Variants in SNCAIP observed in about 807,000 individuals in gnomAD.
The protein encoded by SNCAIP is synphilin-1.
Under a neutral mutation model 86.7 loss-of-function variants are expected in SNCAIP, and 43 were observed. The observed-to-expected ratio is 0.50, with a 90% CI of 0.39 to 0.64. SNCAIP has a LOEUF of 0.64. Ranked by LOEUF, SNCAIP falls within the 30% of genes least tolerant of loss-of-function variation. SNCAIP has a pLI of 0.00. For synonymous variants in SNCAIP, 417 were observed against 427.2 expected, an observed-to-expected ratio of 0.98 and a Z score of 0.29; for missense variants, 981 against 1,103.1, an observed-to-expected ratio of 0.89 and a Z score of 1.57.
At chr5:122,451,665 A>C in intron 10 of SNCAIP, 64 bp downstream of exon 10, 67 of 1,250,444 alleles carry the variant, frequency 5.4e-5, no homozygotes, top group Non-Finnish European at 7.3e-5. Flanking sequence ...TCCTAATATC[A>C]CAGATTGTGG....
chr5:122,316,282 T>C (rs1232293878), intron 1 of SNCAIP, among the ~76,000 whole-genome samples: 2 of 152,224 alleles, frequency 1.3e-5, no homozygotes, highest in Admixed American at 1.3e-4. Flanking sequence ...ACTCTTAGAA[T>C]GCTCTTCCCT....
At chr5:122,380,682 CT>C (rs1211625735) in intron 1 of SNCAIP, among the ~76,000 whole-genome samples, 20 of 149,074 alleles carry the variant, frequency 1.3e-4, no homozygotes, top group Non-Finnish European at 2.4e-4. Flanking sequence ...GCATTTAGTG[CT>C]ATAAATTTCC....
At chr5:122,394,694 AAG>A (rs1417226093) in intron 2 of SNCAIP, among the ~76,000 whole-genome samples, 1 of 152,178 alleles carries the variant, frequency 6.6e-6, no homozygotes, top group East Asian at 1.9e-4. Flanking sequence ...TTATTTTATT[AAG>A]AGAGGCCAGT....
chr5:122,434,880 G>A (rs1362578067), intron 6 of SNCAIP, among the ~76,000 whole-genome samples: 1 of 152,180 alleles, frequency 6.6e-6, no homozygotes, highest in Non-Finnish European at 1.5e-5. Context: ...GCATTTGAGT[G>A]TGTCCTGGCT....
chr5:122,462,648 G>A (rs1420990131), intron 10 of SNCAIP, among the ~76,000 whole-genome samples: 1 of 152,200 alleles, frequency 6.6e-6, no homozygotes, highest in Admixed American at 6.5e-5. Context: ...GTCTTTGTGA[G>A]CAAGCACAAT....
At chr5:122,380,892 T>C (rs1766597003) in intron 1 of SNCAIP, among the ~76,000 whole-genome samples, 1 of 151,840 alleles carries the variant, frequency 6.6e-6, no homozygotes, top group African/African-American at 2.4e-5. Flanking sequence ...TTGATTGCAC[T>C]GTGGTCTGAG....
At chr5:122,368,516 C>T (rs1763631943) in intron 1 of SNCAIP, among the ~76,000 whole-genome samples, 1 of 152,194 alleles carries the variant, frequency 6.6e-6, no homozygotes, top group African/African-American at 2.4e-5. Context: ...GGACTCCTGA[C>T]TCTGTCATGT....
At chr5:122,365,826 A>G (rs1156230822) in intron 1 of SNCAIP, among the ~76,000 whole-genome samples, 1 of 152,190 alleles carries the variant, frequency 6.6e-6, no homozygotes, top group African/African-American at 2.4e-5. Flanking sequence ...AAAGGATCTC[A>G]TCAGGCGGGA....
chr5:122,333,356 G>T (rs2152702577), intron 1 of SNCAIP, among the ~76,000 whole-genome samples: 1 of 152,298 alleles, frequency 6.6e-6, no homozygotes, highest in South Asian at 2.1e-4. Context: ...GAACCTATTT[G>T]TTGGTTAGGT....
intron 1 of SNCAIP, among the ~76,000 whole-genome samples, chr5:122,319,132 A>G (rs1752426939): frequency 6.6e-6 from 1 of 151,792 alleles, no homozygotes; most frequent in Non-Finnish European, 1.5e-5. Flanking sequence ...CTTCCCATTC[A>G]TCTGTTATTT....
At chr5:122,408,475 C>T (rs1239238173) in intron 3 of SNCAIP, among the ~76,000 whole-genome samples, 2 of 152,188 alleles carry the variant, frequency 1.3e-5, no homozygotes, top group Non-Finnish European at 2.9e-5. Context: ...CATCTCCTTG[C>T]ACCTTCCACT....
chr5:122,422,868 T>C lies in SNCAIP; in HGVS notation c.131T>C (p.Val44Ala), dbSNP rs56285021. The change falls in exon 4 of 11, where the codon GTT becomes GCT. Residue 44 changes from valine (V) to alanine (A), a missense_variant and splice_region_variant. Transcript: ENST00000261368. ...TTCTATTTTAATTTTTTAAAAACAG[T>C]TTCTAGCTCTAGCTGGAATTGTGGC... ...RCDTQNEDRS[V>A]SSSSWNCGIS... is the part of the protein sequence containing the mutation. 1.2e-6 allele frequency: 2 copies of C among 1,613,336 alleles called. No individual in the cohort carries two copies. Among genetic ancestry groups the C allele is most frequent in the Non-Finnish European group, 8.5e-7 (1 of 1,179,274 alleles).
intron 2 of SNCAIP, among the ~76,000 whole-genome samples, chr5:122,401,321 T>C (rs1442505505): frequency 6.6e-6 from 1 of 152,222 alleles, no homozygotes; most frequent in Non-Finnish European, 1.5e-5. Context: ...TTGTGAGTTA[T>C]GTGTTCCCTG....
At position 122,463,615 on chromosome 5, in the gene SNCAIP, A is replaced by G. The variant is rs780642128; in HGVS notation, c.*119A>G. 3 of 1,078,298 alleles carry G rather than the reference A, an allele frequency of 2.8e-6. No individual in the cohort carries two copies. The South Asian group carries it at 4.1e-5, about 15-fold the overall frequency. 66.8% of individuals were successfully genotyped at this position (1,078,298 alleles called of 1,614,324 possible). On this transcript the variant is annotated 3_prime_UTR_variant, in exon 11 of 11. Coordinates refer to ENST00000261368, the MANE Select transcript of SNCAIP (RefSeq NM_005460.4). Reference sequence around the variant, plus strand: ...TTTCTCTCACTGATGCCCTTTGGAAATTATTGGAAATTTCTGGACTATCCT... The same window carrying G: ...TTTCTCTCACTGATGCCCTTTGGAAGTTATTGGAAATTTCTGGACTATCCT...
At chr5:122,391,032 T>A in intron 1 of SNCAIP, 57 bp from the exon 2 acceptor site, 2 of 862,522 alleles carry the variant, frequency 2.3e-6, no homozygotes, top group Non-Finnish European at 4.0e-6. Context: ...GACATTATTT[T>A]TGGTTGTAAA....
At chr5:122,405,852 C>T (rs1296393752) in intron 3 of SNCAIP, among the ~76,000 whole-genome samples, 8 of 152,126 alleles carry the variant, frequency 5.3e-5, no homozygotes, top group Non-Finnish European at 1.2e-4. Flanking sequence ...CTAGTCATCT[C>T]CACAATAAAT....
rs548608318 is a variant in SNCAIP, at chr5:122,389,904, C to G, written c.-46-1185C>G. ...TGGCAAGTTTTTTTTTTCTGTTTAT[C>G]ATAATTATACCATTTGCAGAGCTTA... On this transcript the variant is annotated intron_variant, in intron 1 of 10. Coordinates refer to ENST00000261368, the MANE Select transcript of SNCAIP (RefSeq NM_005460.4). 162 of 151,490 alleles carry G rather than the reference C, an allele frequency of 1.1e-3. 3 individuals carry two copies. The highest frequency in any genetic ancestry group is 3.8e-3 in the African/African-American group (156 of 41,308). The allele number at this position is 151,490 out of a possible 1,614,324, so 9.4% of individuals were successfully genotyped here. A position where few individuals can be genotyped will look rare whatever the true frequency, so the allele number is the denominator to read the frequency against.
chr5:122,461,641 GTCTTC>G (rs1261965706), intron 10 of SNCAIP, among the ~76,000 whole-genome samples: 4 of 145,546 alleles, frequency 2.7e-5, no homozygotes, highest in African/African-American at 1.0e-4. Context: ...CACTTTACTG[GTCTTC>G]TCTTTGTTCC....
At chr5:122,321,064 C>A (rs1372850509) in intron 1 of SNCAIP, among the ~76,000 whole-genome samples, 2 of 152,080 alleles carry the variant, frequency 1.3e-5, no homozygotes, top group Non-Finnish European at 2.9e-5. Context: ...TGTGACTGCA[C>A]CAACCTACAC....
Sources: allele counts gnomAD v4.1 joint callset (sites outside exome capture counted in the v4.1 genomes callset), GRCh38; gene constraint gnomAD v4.1.1; transcripts MANE v1.5; gene names NCBI Gene and HGNC (gene_info 2026-07-23, HGNC 2026-07-21).